Variants in GNAQ observed in about 807,000 individuals in gnomAD.
GNAQ encodes guanine nucleotide-binding protein G(q) subunit alpha.
GNAQ carries 8 observed loss-of-function variants against 43.9 expected under a neutral mutation model. The ratio of observed to expected loss-of-function variants is 0.18; its 90% CI spans 0.11 to 0.33. GNAQ has a LOEUF of 0.33. GNAQ is among the 10% of genes least tolerant of loss of function. The pLI is 1.00. For synonymous variants in GNAQ, 155 were observed against 170.7 expected, an observed-to-expected ratio of 0.91 and a Z score of 0.71; for missense variants, 158 against 450.8, an observed-to-expected ratio of 0.35 and a Z score of 5.88.
rs549135934 is a variant in GNAQ, at chr9:77,960,496, C to A, written c.137-38151G>T. The stretch of plus-strand genomic sequence containing the variant: ...GAGTGATATTACAGAAGAGAGATCC[C>A]GGCTCAATCTCTGAGAGCTAAAGGA... On this transcript the variant is annotated intron_variant, in intron 1 of 6. Transcript: ENST00000286548. Among the ~76,000 whole-genome samples, 10 of 152,210 alleles carry A rather than the reference C, an allele frequency of 6.6e-5. No homozygotes were observed. The East Asian group carries it at 1.9e-3, about 29-fold the overall frequency.
At chr9:77,996,079 CA>C (rs144092084) in intron 1 of GNAQ, among the ~76,000 whole-genome samples, 12,049 of 152,190 alleles carry the variant, frequency 0.079, 576 homozygotes, top group African/African-American at 0.13. Flanking sequence ...GGAACCCACA[CA>C]AAACGGCACC....
At chr9:77,937,238 G>A (rs925640994) in intron 1 of GNAQ, among the ~76,000 whole-genome samples, 5 of 151,706 alleles carry the variant, frequency 3.3e-5, no homozygotes, top group Admixed American at 6.6e-5. Context: ...GGTCGAGTTC[G>A]ACACCAGCCT....
intron 2 of GNAQ, among the ~76,000 whole-genome samples, chr9:77,879,574 G>A (rs550451141): frequency 9.2e-5 from 14 of 152,322 alleles, no homozygotes; most frequent in South Asian, 6.2e-4. Flanking sequence ...CTTACTGGAC[G>A]TATGAGTAAT....
In GNAQ at chr9:77,718,726, A is replaced by AT. The variant is rs754786107; in HGVS notation, c.*2596dup. On this transcript the variant is annotated 3_prime_UTR_variant, in exon 7 of 7. Coordinates refer to ENST00000286548, the MANE Select transcript of GNAQ (RefSeq NM_002072.5). ...GTAGGCCTTCAAATGTTGTTGTTTAATTTTTTTTTTTTTTTTTTTTTTTTT... is the reference window on the plus strand; with the variant it reads ...GTAGGCCTTCAAATGTTGTTGTTTAATTTTTTTTTTTTTTTTTTTTTTTTTT... 11,373 of 112,582 alleles carry AT rather than the reference A, an allele frequency of 0.1. 1,883 individuals carry two copies. Among genetic ancestry groups the AT allele is most frequent in the African/African-American group, 0.25 (5,630 of 22,760 alleles). 7.0% of individuals were successfully genotyped at this position (112,582 alleles called of 1,614,324 possible).
intron 1 of GNAQ, among the ~76,000 whole-genome samples, chr9:78,010,295 T>C (rs1035839421): frequency 3.3e-5 from 5 of 152,180 alleles, no homozygotes; most frequent in Admixed American, 2.0e-4. Context: ...GAGAAACAAA[T>C]GTGTTCCAGT....
At chr9:77,854,644 C>T (rs754340860) in intron 2 of GNAQ, among the ~76,000 whole-genome samples, 1 of 152,134 alleles carries the variant, frequency 6.6e-6, no homozygotes, top group Non-Finnish European at 1.5e-5. Context: ...GTGTGAATGC[C>T]GTTTAAGAAG....
intron 3 of GNAQ, among the ~76,000 whole-genome samples, chr9:77,805,478 C>T (rs928819468): frequency 6.6e-6 from 1 of 151,990 alleles, no homozygotes; most frequent in South Asian, 2.1e-4. Context: ...GATCTTGGCT[C>T]ACTGCAACCT....
intron 1 of GNAQ, among the ~76,000 whole-genome samples, chr9:77,923,738 G>A (rs1018257054): frequency 2.6e-5 from 4 of 151,726 alleles, no homozygotes; most frequent in Admixed American, 2.6e-4. Flanking sequence ...GGTCCTTAAT[G>A]CCATTTGCTC....
intron 5 of GNAQ, among the ~76,000 whole-genome samples, chr9:77,777,996 A>AAT (rs1239163512): frequency 2.0e-5 from 3 of 152,016 alleles, no homozygotes; most frequent in Non-Finnish European, 4.4e-5. Flanking sequence ...AAACCATTTG[A>AAT]ATAATTTGAA....
intron 5 of GNAQ, among the ~76,000 whole-genome samples, chr9:77,781,600 T>C (rs988063658): frequency 1.3e-5 from 2 of 152,002 alleles, no homozygotes; most frequent in Non-Finnish European, 2.9e-5. Flanking sequence ...AACACAGATA[T>C]AAAATTCCCA....
At chr9:78,025,429 A>G (rs1402374168) in intron 1 of GNAQ, among the ~76,000 whole-genome samples, 1 of 152,202 alleles carries the variant, frequency 6.6e-6, no homozygotes, top group African/African-American at 2.4e-5. Flanking sequence ...ATTGCCACAG[A>G]TTTAATTACC....
At chr9:77,728,311 G>A (rs1198141673) in intron 6 of GNAQ, among the ~76,000 whole-genome samples, 1 of 152,128 alleles carries the variant, frequency 6.6e-6, no homozygotes, top group Non-Finnish European at 1.5e-5. Context: ...CTTTTTCTAT[G>A]ACTTTTAGCA....
chr9:77,875,909 G>C (rs549580582), intron 2 of GNAQ, among the ~76,000 whole-genome samples: 4 of 152,134 alleles, frequency 2.6e-5, no homozygotes, highest in East Asian at 3.9e-4. Flanking sequence ...AAAATAAAGG[G>C]GAAAAACCTA....
intron 2 of GNAQ, among the ~76,000 whole-genome samples, chr9:77,894,420 GA>G (rs1828466100): frequency 1.8e-5 from 1 of 55,652 alleles, no homozygotes; most frequent in South Asian, 4.8e-4. Context: ...ATATTTAATA[GA>G]AAAAATATAT....
At chr9:77,891,655 T>G (rs1354331868) in intron 2 of GNAQ, among the ~76,000 whole-genome samples, 1 of 152,184 alleles carries the variant, frequency 6.6e-6, no homozygotes, top group Non-Finnish European at 1.5e-5. Context: ...AAGTATACGC[T>G]GTCTTTCCAT....
chr9:77,852,545 C>A (rs989205300), intron 2 of GNAQ, among the ~76,000 whole-genome samples: 1 of 152,262 alleles, frequency 6.6e-6, no homozygotes, highest in Non-Finnish European at 1.5e-5. Context: ...TCAAGACCCT[C>A]CACTAGCCAC....
At chr9:77,972,265 GAAATATTCTAC>G (rs2118463866) in intron 1 of GNAQ, among the ~76,000 whole-genome samples, 1 of 152,240 alleles carries the variant, frequency 6.6e-6, no homozygotes, top group Admixed American at 6.5e-5. Flanking sequence ...AGAAAGTTAA[GAAATATTCTAC>G]AAATATTAAT....
chr9:77,959,438 T>C (rs1259642069), intron 1 of GNAQ, among the ~76,000 whole-genome samples: 1 of 152,230 alleles, frequency 6.6e-6, no homozygotes, highest in African/African-American at 2.4e-5. Context: ...ATATTCTAAA[T>C]ATCCATAAAA....
intron 2 of GNAQ, among the ~76,000 whole-genome samples, chr9:77,859,552 TTAAAG>T (rs1232247020): frequency 6.6e-6 from 1 of 152,192 alleles, no homozygotes; most frequent in Non-Finnish European, 1.5e-5. Flanking sequence ...AATTTTTGCT[TTAAAG>T]TAAAGAAACA....
Sources: allele counts gnomAD v4.1 joint callset (sites outside exome capture counted in the v4.1 genomes callset), GRCh38; gene constraint gnomAD v4.1.1; transcripts MANE v1.5; gene names NCBI Gene and HGNC (gene_info 2026-07-23, HGNC 2026-07-21).